The following ZNF532 variants were observed in gnomAD, a reference collection of about 807,000 sequenced individuals.
ZNF532 encodes zinc finger protein 532.
A neutral mutation model predicts 89.3 loss-of-function variants in ZNF532; 22 were observed. That is an observed-to-expected ratio of 0.25 (90% CI 0.18 to 0.35). The LOEUF (loss-of-function observed/expected upper bound fraction) is 0.35. Ranked by LOEUF, ZNF532 falls within the 10% of genes least tolerant of loss-of-function variation. The pLI is 1.00. For synonymous variants in ZNF532, 606 were observed against 649.6 expected (o/e 0.93, Z 1.02); for missense variants, 1,132 against 1,643.4 (o/e 0.69, Z 5.38).
chr18:58,933,742 AGCCTTT>A (rs1178433354), intron 3 of ZNF532, among the ~76,000 whole-genome samples: 1 of 152,202 alleles, frequency 6.6e-6, no homozygotes, highest in Non-Finnish European at 1.5e-5. Context: ...ACTGATATAG[AGCCTTT>A]TCCAAAGAGG....
chr18:58,943,245 C>T (rs1176774140), intron 5 of ZNF532, among the ~76,000 whole-genome samples: 1 of 150,714 alleles, frequency 6.6e-6, no homozygotes, highest in East Asian at 1.9e-4. Flanking sequence ...CTGCAACCTC[C>T]GCCTCCCGGG....
chr18:58,939,424 G>A lies in ZNF532; in HGVS notation c.2529-21G>A, dbSNP rs181968138. On this transcript the variant is annotated intron_variant, in intron 4 of 9. Transcript: ENST00000591808. The stretch of plus-strand genomic sequence containing the variant: ...GTGTTATGGTCTTGTGCTAATGACC[G>A]TGTGTTTATTTTTCTAACAGATGTG... 55 of 1,603,048 alleles carry A rather than the reference G, an allele frequency of 3.4e-5. No homozygotes were observed. The Admixed American group carries it at 4.8e-4, about 14-fold the overall frequency.
At chr18:58,971,193 C>T (rs546650146) in intron 7 of ZNF532, among the ~76,000 whole-genome samples, 15 of 152,256 alleles carry the variant, frequency 9.9e-5, no homozygotes, top group African/African-American at 3.6e-4. Flanking sequence ...GTTTAACCCT[C>T]TTTATTTCAA....
intron 2 of ZNF532, among the ~76,000 whole-genome samples, chr18:58,905,535 G>A (rs1258810109): frequency 6.6e-6 from 1 of 152,002 alleles, no homozygotes; most frequent in African/African-American, 2.4e-5. Context: ...GAGTAGCTGG[G>A]ACTATAGGTG....
intron 7 of ZNF532, among the ~76,000 whole-genome samples, chr18:58,973,968 C>T (rs1248706672): frequency 6.6e-6 from 1 of 152,068 alleles, no homozygotes; most frequent in Admixed American, 6.5e-5. Context: ...TCCCTGGCTG[C>T]TAAGAGCGGG....
intron 2 of ZNF532, among the ~76,000 whole-genome samples, chr18:58,874,608 TG>T (rs1450045586): frequency 6.6e-6 from 1 of 152,230 alleles, no homozygotes; most frequent in Non-Finnish European, 1.5e-5. Context: ...CCTACAGTGC[TG>T]GGATTACAGG....
At chr18:58,880,773 T>C (rs539394269) in intron 2 of ZNF532, among the ~76,000 whole-genome samples, 11,486 of 131,760 alleles carry the variant, frequency 0.087, 678 homozygotes, top group Admixed American at 0.14. Flanking sequence ...CGCGCGCGCG[T>C]CTGTGTGTGT....
At chr18:58,958,180 T>C (rs1217303193) in intron 7 of ZNF532, among the ~76,000 whole-genome samples, 3 of 152,176 alleles carry the variant, frequency 2.0e-5, no homozygotes, top group Non-Finnish European at 4.4e-5. Flanking sequence ...CTACTTTCAG[T>C]GGTTTTTAAC....
intron 3 of ZNF532, among the ~76,000 whole-genome samples, chr18:58,933,790 C>A (rs573453372): frequency 4.8e-4 from 73 of 152,218 alleles, no homozygotes; most frequent in Non-Finnish European, 8.2e-4. Context: ...TATACATAAT[C>A]AGATTTTAAG....
chr18:58,926,511 A>G (rs1339309408), intron 3 of ZNF532, among the ~76,000 whole-genome samples: 4 of 151,898 alleles, frequency 2.6e-5, no homozygotes, highest in Admixed American at 2.0e-4. Context: ...CTAATTTTAT[A>G]TTTTTAGTAG....
At chr18:58,933,585 G>A (rs1361795769) in intron 3 of ZNF532, among the ~76,000 whole-genome samples, 4 of 152,274 alleles carry the variant, frequency 2.6e-5, no homozygotes, top group South Asian at 2.1e-4. Context: ...TATGCTATGT[G>A]AGGTTTATTT....
intron 7 of ZNF532, among the ~76,000 whole-genome samples, chr18:58,955,397 C>T (rs560406558): frequency 1.7e-4 from 26 of 152,286 alleles, no homozygotes; most frequent in African/African-American, 4.6e-4. Flanking sequence ...AAATACGTGA[C>T]GTTTTCAAAG....
chr18:58,944,045 G>A (rs1568387772), intron 5 of ZNF532, among the ~76,000 whole-genome samples: 1 of 152,192 alleles, frequency 6.6e-6, no homozygotes, highest in Non-Finnish European at 1.5e-5. Context: ...ACACCAAGCA[G>A]ATTATCTAGT....
intron 2 of ZNF532, among the ~76,000 whole-genome samples, chr18:58,874,338 A>G (rs917097176): frequency 6.0e-5 from 9 of 149,950 alleles, no homozygotes; most frequent in African/African-American, 1.9e-4. Flanking sequence ...TTATTTATTT[A>G]TATTTTATTC....
At position 58,948,100 on chromosome 18, in the gene ZNF532, G is replaced by T. The variant is rs1308589090; in HGVS notation, c.2739G>T (p.Val913=). The T allele has an allele frequency of 6.2e-7, 1 of 1,613,746 alleles. No homozygotes were observed. The highest frequency in any genetic ancestry group is 2.2e-5 in the East Asian group (1 of 44,882). Residue 913 remains valine (V), a synonymous_variant, in exon 6 of 10, where the codon GTG becomes GTT. Coordinates refer to ENST00000591808, the MANE Select transcript of ZNF532 (RefSeq NM_001375912.1). ...IIYKCSMCDT[V]FTLQTLLYRH... ...ATAAGTGTTCCATGTGCGACACTGTGTTCACCCTGCAAACCTTGCTGTATC... is the reference window on the plus strand; with the variant it reads ...ATAAGTGTTCCATGTGCGACACTGTTTTCACCCTGCAAACCTTGCTGTATC...
intron 2 of ZNF532, among the ~76,000 whole-genome samples, chr18:58,888,733 TATATATATTTTATATATATATAAAATTA>T: frequency 3.8e-5 from 2 of 52,262 alleles, no homozygotes; most frequent in African/African-American, 1.1e-4. Flanking sequence ...ATAAATTATA[TATATATATTTTATATATATATAAAATTA>T]ATATATATAA....
Position 58,919,295 on chromosome 18 carries a change from A to C in ZNF532, c.1008A>C (p.Arg336Ser). 1 of 1,614,182 alleles carries C rather than the reference A, an allele frequency of 6.2e-7. No homozygotes were observed. Among genetic ancestry groups the C allele is most frequent in the South Asian group, 1.1e-5 (1 of 91,084 alleles). Reference sequence around the variant, plus strand: ...CCCTGAAGCAACCGGATAGTCCCAGAAGCATCTCAAGTGAGAACAGCAGCA... The same window carrying C: ...CCCTGAAGCAACCGGATAGTCCCAGCAGCATCTCAAGTGAGAACAGCAGCA... The part of the protein sequence containing the change: ...KPSLKQPDSP[R>S]SISSENSSKG... The change falls in exon 3 of 10, where the codon AGA becomes AGC. Residue 336 changes from arginine (R) to serine (S), a missense_variant. Physicochemically the swap from Arg to Ser is moderately radical, Grantham distance 110 (BLOSUM62 -1). This residue lies in a region of ZNF532 where 124 missense variants were observed against 191.6 expected (regional missense o/e 0.65). Coordinates refer to ENST00000591808, the MANE Select transcript of ZNF532 (RefSeq NM_001375912.1). The surrounding 1 kb of genome is among the most constrained non-coding windows in gnomAD (Gnocchi z 6.1).
chr18:58,884,912 G>A (rs1414943733), intron 2 of ZNF532, among the ~76,000 whole-genome samples: 1 of 151,282 alleles, frequency 6.6e-6, no homozygotes, highest in Non-Finnish European at 1.5e-5. Context: ...AAAGTGACAG[G>A]TTTAGCCTAG....
At position 58,919,119 on chromosome 18, in the gene ZNF532, AG is replaced by A. The variant is rs1334099045; in HGVS notation, c.833del (p.Ser278ThrfsTer27). 1 of 1,614,050 alleles carries A rather than the reference AG, an allele frequency of 6.2e-7. No individual in the cohort carries two copies. The highest frequency in any genetic ancestry group is 1.3e-5 in the African/African-American group (1 of 74,908). ...SSCIAAIAALSAKKAASDSCK... is the reference protein window; with the variant it reads ...SSCIAAIAALXAKKAASDSCK... The stretch of plus-strand genomic sequence containing the variant: ...CTGCATCGCTGCCATCGCGGCTCTC[AG>A]CGCTAAAAAGGCGGCTTCAGACTCC... On this transcript the variant is annotated frameshift_variant, in exon 3 of 10. Transcript: ENST00000591808. LOFTEE classifies it high-confidence loss of function. This position sits in a 1 kb window ranked among gnomAD's most constrained non-coding sequence, Gnocchi z 6.1.
Sources: allele counts gnomAD v4.1 joint callset (sites outside exome capture counted in the v4.1 genomes callset), GRCh38; gene constraint gnomAD v4.1.1; regional missense constraint gnomAD v4.1.1; non-coding constraint Gnocchi (gnomAD v3.1); transcripts MANE v1.5; gene names NCBI Gene and HGNC (gene_info 2026-07-23, HGNC 2026-07-21).